The following GALNT12 variants were observed in gnomAD, a reference collection of about 807,000 sequenced individuals.
GALNT12 encodes UDP-GalNAc:polypeptide N-acetylgalactosaminyltransferase 12.
A neutral mutation model predicts 55.5 loss-of-function variants in GALNT12; 45 were observed. The observed-to-expected ratio is 0.81, with a 90% confidence interval of 0.64 to 1.04. GALNT12 has a LOEUF of 1.04. GALNT12 is among the 50% of genes least tolerant of loss of function. The probability of loss-of-function intolerance (pLI) is 0.00; values close to 1 mark genes in which losing one functional copy is unlikely to be tolerated. For synonymous variants in GALNT12, 304 were observed against 312.2 expected, an observed-to-expected ratio of 0.97 and a Z score of 0.28; for missense variants, 709 against 754.8, an observed-to-expected ratio of 0.94 and a Z score of 0.71.
rs12686161 is a variant in GALNT12, at chr9:98,842,215, A to G, written c.1345-1881A>G. Reference sequence around the variant, plus strand: ...GTATTGTTTTTTGAGACAGGCTTCTATTCTGTCACCCAGGCTGGAGCACAG... The same window carrying G: ...GTATTGTTTTTTGAGACAGGCTTCTGTTCTGTCACCCAGGCTGGAGCACAG... On this transcript the variant is annotated intron_variant, in intron 7 of 9. Transcript: ENST00000375011. 3.3e-5 allele frequency among the ~76,000 whole-genome samples: 5 copies of G among 151,332 alleles called. No individual in the cohort carries two copies. The East Asian group carries it at 9.8e-4, about 30-fold the overall frequency.
intron 3 of GALNT12, among the ~76,000 whole-genome samples, chr9:98,830,792 T>G (rs1453825609): frequency 1.3e-5 from 2 of 152,228 alleles, no homozygotes; most frequent in Non-Finnish European, 2.9e-5. Flanking sequence ...AATTTCCCGA[T>G]AGTTGTAATT....
intron 6 of GALNT12, among the ~76,000 whole-genome samples, chr9:98,838,811 T>C (rs565802235): frequency 3.2e-4 from 48 of 152,358 alleles, no homozygotes; most frequent in Non-Finnish European, 6.0e-4. Context: ...CCAGCAACCC[T>C]GCAGGGTAGC....
intron 1 of GALNT12, among the ~76,000 whole-genome samples, chr9:98,808,416 C>T (rs1462812009): frequency 6.6e-6 from 1 of 152,170 alleles, no homozygotes; most frequent in East Asian, 1.9e-4. Flanking sequence ...CCGCTCTGCC[C>T]GCCTCGCAGT....
chr9:98,817,122 A>G (rs1047823624), intron 1 of GALNT12, among the ~76,000 whole-genome samples: 2 of 152,012 alleles, frequency 1.3e-5, no homozygotes, highest in Non-Finnish European at 2.9e-5. Flanking sequence ...CACTGTGCCC[A>G]GCCCAGCTAA....
Position 98,830,161 on chromosome 9 carries a change from C to G in GALNT12, c.732-1611C>G, listed in dbSNP as rs969497322. Among the ~76,000 whole-genome samples the G allele has an allele frequency of 4.6e-5, 7 of 152,184 alleles. No homozygotes were observed. In the East Asian group the frequency reaches 5.8e-4, roughly 13 times the overall value. On this transcript the variant is annotated intron_variant, in intron 3 of 9. Transcript: ENST00000375011. ...TGCCTGGTCCCATTTGGATCTAACT[C>G]TTGGGGCTGGGGCCTCGGCTTCTGC...
chr9:98,828,661 T>A (rs1051769266), intron 3 of GALNT12, among the ~76,000 whole-genome samples: 2 of 152,156 alleles, frequency 1.3e-5, no homozygotes, highest in Non-Finnish European at 2.9e-5. Context: ...CTTTAAAAAA[T>A]TTATATTTTA....
intron 2 of GALNT12, among the ~76,000 whole-genome samples, chr9:98,823,899 C>A (rs1835804203): frequency 6.6e-6 from 1 of 152,176 alleles, no homozygotes; most frequent in African/African-American, 2.4e-5. Context: ...TGCCCACATG[C>A]AGCAGAGCCT....
At position 98,807,955 on chromosome 9, in the gene GALNT12, T is replaced by C. The variant is rs1487723569; in HGVS notation, c.257T>C (p.Leu86Pro). The change falls in exon 1 of 10, where the codon CTG becomes CCG. Residue 86 changes from leucine (L) to proline (P), a missense_variant. Around this residue, in one of 5 missense-constraint regions of GALNT12, gnomAD observed 5 missense variants for 20.1 expected, o/e 0.25. Coordinates refer to ENST00000375011, the MANE Select transcript of GALNT12 (RefSeq NM_024642.5). ...GARGEAVRLQLQGEELRLQEE... is the reference protein window; with the variant it reads ...GARGEAVRLQPQGEELRLQEE... ...CGGGGCGAGGCGGTGCGGCTGCAGC[T>C]GCAGGGCGAGGAGCTGCGGCTGCAG... 2 of 1,433,136 alleles carry C rather than the reference T, an allele frequency of 1.4e-6. No individual in the cohort carries two copies. The highest frequency in any genetic ancestry group is 2.9e-5 in the African/African-American group (2 of 68,686). 88.8% of individuals were successfully genotyped at this position (1,433,136 alleles called of 1,614,324 possible).
At position 98,815,204 on chromosome 9, in the gene GALNT12, C is replaced by T. The variant is rs140322521; in HGVS notation, c.371+7135C>T. The stretch of plus-strand genomic sequence containing the variant: ...ATACAGACGATCTCCGATTTAAGAT[C>T]GTTTGACTTAAGATTTTTCAACTCT... On this transcript the variant is annotated intron_variant, in intron 1 of 9. Coordinates refer to ENST00000375011, the MANE Select transcript of GALNT12 (RefSeq NM_024642.5). Among the ~76,000 whole-genome samples, 361 of 152,284 alleles carry T rather than the reference C, an allele frequency of 2.4e-3. 1 individual carries two copies. The highest frequency in any genetic ancestry group is 8.4e-3 in the African/African-American group (349 of 41,562).
intron 2 of GALNT12, among the ~76,000 whole-genome samples, chr9:98,824,942 C>T (rs535430409): frequency 1.2e-4 from 19 of 152,274 alleles, no homozygotes; most frequent in African/African-American, 3.1e-4. Context: ...CCACACTGCA[C>T]GGGCTTGAAT....
rs1354603584 is a variant in GALNT12, at chr9:98,836,136, A to T, written c.1035+770A>T. 3.3e-5 allele frequency among the ~76,000 whole-genome samples: 5 copies of T among 152,312 alleles called. No individual in the cohort carries two copies. In the East Asian group the frequency reaches 9.6e-4, roughly 29 times the overall value. On this transcript the variant is annotated intron_variant, in intron 5 of 9. Coordinates refer to ENST00000375011, the MANE Select transcript of GALNT12 (RefSeq NM_024642.5). ...TTGATAGCTTTAGGGTGGGACCAAGATTCTGCTTTTTGTAACAAGCCTTCC... is the reference window on the plus strand; with the variant it reads ...TTGATAGCTTTAGGGTGGGACCAAGTTTCTGCTTTTTGTAACAAGCCTTCC...
intron 1 of GALNT12, among the ~76,000 whole-genome samples, chr9:98,819,543 C>T (rs1835690921): frequency 6.6e-6 from 1 of 152,188 alleles, no homozygotes; most frequent in Non-Finnish European, 1.5e-5. Flanking sequence ...CAGAGATTCT[C>T]AGATAAGCCT....
In GALNT12 at chr9:98,840,144, G is replaced by A. The variant is rs753594024; in HGVS notation, c.1344+11G>A. ...GGCTTCTTCGGGATGGTGAGTGAGGGTGGTGGGCCCACGGCAGGCAGGGAC... is the reference window on the plus strand; with the variant it reads ...GGCTTCTTCGGGATGGTGAGTGAGGATGGTGGGCCCACGGCAGGCAGGGAC... On this transcript the variant is annotated intron_variant, in intron 7 of 9. Transcript: ENST00000375011. The A allele has an allele frequency of 1.2e-6, 2 of 1,612,944 alleles. No homozygotes were observed. Among genetic ancestry groups the A allele is most frequent in the Non-Finnish European group, 1.7e-6 (2 of 1,179,884 alleles).
chr9:98,823,458 G>C (rs1438599339), intron 2 of GALNT12, 33 bp downstream of exon 2: 4 of 1,591,264 alleles, frequency 2.5e-6, no homozygotes, highest in Non-Finnish European at 2.6e-6. Context: ...GGAAGAGCCT[G>C]TCCTTCTGTA....
intron 1 of GALNT12, among the ~76,000 whole-genome samples, chr9:98,811,683 C>CTTTTTTTT (rs34942139): frequency 7.6e-6 from 1 of 132,044 alleles, no homozygotes; most frequent in Non-Finnish European, 1.6e-5. Flanking sequence ...CGAAGTCGTT[C>CTTTTTTTT]TTTTTTTTTT....
intron 1 of GALNT12, among the ~76,000 whole-genome samples, chr9:98,811,537 G>A (rs78906806): frequency 6.6e-6 from 1 of 152,182 alleles, no homozygotes; most frequent in Non-Finnish European, 1.5e-5. Flanking sequence ...CAGAAGAACT[G>A]TGAACCATTG....
chr9:98,836,998 AAC>A lies in GALNT12; in HGVS notation c.1067_1068del (p.His356ProfsTer29). 1.2e-6 allele frequency: 2 copies of A among 1,614,040 alleles called. No homozygotes were observed. Among genetic ancestry groups the A allele is most frequent in the Middle Eastern group, 1.7e-4 (1 of 6,058 alleles). ...TCTGGCAGTGTGGTGGGGTTCTGGA[AAC>A]ACACCCATGTTCCCATGTTGGCCAT... Reference protein sequence around the residue: ...RIWQCGGVLETHPCSHVGHVF... With the variant: ...RIWQCGGVLEXHPCSHVGHVF... On this transcript the variant is annotated frameshift_variant, in exon 6 of 10. Coordinates refer to ENST00000375011, the MANE Select transcript of GALNT12 (RefSeq NM_024642.5). LOFTEE classifies it high-confidence loss of function.
At position 98,849,147 on chromosome 9, in the gene GALNT12, C is replaced by T. The variant is rs1836492584; in HGVS notation, c.*55C>T. On this transcript the variant is annotated 3_prime_UTR_variant, in exon 10 of 10. Transcript: ENST00000375011. ...GAGACTGTGGAGCCAGGACTCTGCC[C>T]AACAAAGACTTAGCTAAGCAGTGAC... 6.3e-7 allele frequency: 1 copy of T among 1,594,178 alleles called. No homozygotes were observed. The highest frequency in any genetic ancestry group is 8.6e-7 in the Non-Finnish European group (1 of 1,162,978).
rs1292953164 is a variant in GALNT12, at chr9:98,807,846, C to A, written c.148C>A (p.Pro50Thr). ...TGGGGCCGGGGCCGGGGCTGCCGAGCCGGGACCCCCGCGCACCCCGCGCCC... is the reference window on the plus strand; with the variant it reads ...TGGGGCCGGGGCCGGGGCTGCCGAGACGGGACCCCCGCGCACCCCGCGCCC... Reference protein sequence around the residue: ...QRGAGAGAAEPGPPRTPRPGR... With the variant: ...QRGAGAGAAETGPPRTPRPGR... Residue 50 changes from proline (P) to threonine (T), a missense_variant, in exon 1 of 10, where the codon CCG (proline) becomes ACG (threonine). By Grantham distance (38) the Pro-to-Thr change is conservative (BLOSUM62 -1). Around this residue, in one of 5 missense-constraint regions of GALNT12, gnomAD observed 110 missense variants for 102.2 expected, o/e 1.08. Transcript: ENST00000375011. 9.9e-7 allele frequency: 1 copy of A among 1,006,360 alleles called. No homozygotes were observed. Among genetic ancestry groups the A allele is most frequent in the African/African-American group, 1.7e-5 (1 of 57,210 alleles). The allele number at this position is 1,006,360 out of a possible 1,614,324, so 62.3% of individuals were successfully genotyped here.
Sources: allele counts gnomAD v4.1 joint callset (sites outside exome capture counted in the v4.1 genomes callset), GRCh38; gene constraint gnomAD v4.1.1; regional missense constraint gnomAD v4.1.1; transcripts MANE v1.5; gene names NCBI Gene and HGNC (gene_info 2026-07-23, HGNC 2026-07-21).